The following MB21D2 variants were observed in gnomAD, a reference collection of about 807,000 sequenced individuals.
MB21D2 encodes the protein Mab-21 domain containing 2, also known as nucleotidyltransferase MB21D2.
Under a neutral mutation model 33.3 loss-of-function variants are expected in MB21D2, and 9 were observed. The observed-to-expected ratio is 0.27, with a 90% CI of 0.16 to 0.47. MB21D2 has a LOEUF of 0.47. MB21D2 is among the 20% of genes least tolerant of loss of function. The pLI is 0.99. For synonymous variants in MB21D2, 241 were observed against 236.3 expected, an observed-to-expected ratio of 1.02 and a Z score of -0.18; for missense variants, 540 against 624.6, an observed-to-expected ratio of 0.86 and a Z score of 1.44.
chr3:192,917,165 C>G (rs1714485801), intron 1 of MB21D2, among the ~76,000 whole-genome samples: 2 of 152,184 alleles, frequency 1.3e-5, no homozygotes, highest in South Asian at 4.1e-4. Context: ...GGGCGCCAAG[C>G]CAGAGCCCTG....
intron 1 of MB21D2, among the ~76,000 whole-genome samples, chr3:192,900,766 C>A (rs758130725): frequency 2.0e-5 from 3 of 152,010 alleles, no homozygotes; most frequent in Admixed American, 6.5e-5. Flanking sequence ...CATGGTGAAA[C>A]CCTGTCTCTA....
chr3:192,887,036 A>G (rs1713747654), intron 1 of MB21D2, among the ~76,000 whole-genome samples: 1 of 151,980 alleles, frequency 6.6e-6, no homozygotes. Flanking sequence ...TAGATTCTTC[A>G]CTATACAAAC....
intron 1 of MB21D2, among the ~76,000 whole-genome samples, chr3:192,884,680 T>C (rs936751486): frequency 6.6e-6 from 1 of 152,124 alleles, no homozygotes; most frequent in African/African-American, 2.4e-5. Context: ...GGTGCATGTC[T>C]TGTTCCATCC....
At chr3:192,911,342 T>G (rs1351715725) in intron 1 of MB21D2, among the ~76,000 whole-genome samples, 5 of 152,206 alleles carry the variant, frequency 3.3e-5, no homozygotes, top group African/African-American at 1.2e-4. Flanking sequence ...TCACTCACTA[T>G]GCCTTTTTGT....
At chr3:192,810,388 A>G (rs1429100840) in intron 1 of MB21D2, among the ~76,000 whole-genome samples, 1 of 152,090 alleles carries the variant, frequency 6.6e-6, no homozygotes, top group African/African-American at 2.4e-5. Flanking sequence ...AAATGATCCC[A>G]ATTTATATAA....
At chr3:192,844,860 CT>C (rs766256230) in intron 1 of MB21D2, among the ~76,000 whole-genome samples, 4 of 152,224 alleles carry the variant, frequency 2.6e-5, no homozygotes, top group Non-Finnish European at 4.4e-5. Context: ...AAGAGCCCCC[CT>C]TTGATGTGTA....
intron 1 of MB21D2, among the ~76,000 whole-genome samples, chr3:192,890,930 C>T (rs1268157721): frequency 2.6e-5 from 4 of 152,028 alleles, no homozygotes; most frequent in Admixed American, 6.6e-5. Context: ...TCAGTTTATC[C>T]TGCGTGGGGG....
At position 192,831,503 on chromosome 3, in the gene MB21D2, G is replaced by C. The variant is rs1162147717; in HGVS notation, c.212-31853C>G. ...TACAAGAACAGAAAGATGGATCTGA[G>C]ACTGGGTTTTCTCAACTAGTAGCAA... On this transcript the variant is annotated intron_variant, in intron 1 of 1. Transcript: ENST00000392452. Among the ~76,000 whole-genome samples the C allele has an allele frequency of 2.0e-5, 3 of 152,208 alleles. No homozygotes were observed. The East Asian group carries it at 5.8e-4, about 29-fold the overall frequency.
intron 1 of MB21D2, among the ~76,000 whole-genome samples, chr3:192,867,773 G>A (rs781021953): frequency 1.3e-5 from 2 of 152,142 alleles, no homozygotes; most frequent in Non-Finnish European, 2.9e-5. Flanking sequence ...GTGATGGTTT[G>A]CTAGTTTTCA....
chr3:192,887,019 C>T (rs988984340), intron 1 of MB21D2, among the ~76,000 whole-genome samples: 1 of 152,012 alleles, frequency 6.6e-6, no homozygotes. Context: ...ACTTTCGCCA[C>T]TGTCCCTAGA....
At chr3:192,848,757 T>C (rs184045723) in intron 1 of MB21D2, among the ~76,000 whole-genome samples, 5 of 152,352 alleles carry the variant, frequency 3.3e-5, no homozygotes, top group African/African-American at 1.2e-4. Flanking sequence ...GATTAAGTAC[T>C]AATTTCTAAA....
chr3:192,821,390 A>G (rs1712052424), intron 1 of MB21D2, among the ~76,000 whole-genome samples: 1 of 152,128 alleles, frequency 6.6e-6, no homozygotes, highest in Admixed American at 6.5e-5. Flanking sequence ...ACCTGCTCCC[A>G]CCTCATTCCT....
At chr3:192,901,351 C>T (rs992616691) in intron 1 of MB21D2, among the ~76,000 whole-genome samples, 10 of 136,240 alleles carry the variant, frequency 7.3e-5, no homozygotes, top group Non-Finnish European at 1.4e-4. Context: ...GGGCAGATCA[C>T]GAGGTCAGGA....
At chr3:192,832,380 GC>G (rs1712333525) in intron 1 of MB21D2, among the ~76,000 whole-genome samples, 1 of 152,142 alleles carries the variant, frequency 6.6e-6, no homozygotes, top group South Asian at 2.1e-4. Flanking sequence ...GAAGGCCAAT[GC>G]AAAAAACTTG....
chr3:192,832,139 T>G (rs952928773), intron 1 of MB21D2, among the ~76,000 whole-genome samples: 4 of 152,196 alleles, frequency 2.6e-5, no homozygotes, highest in Admixed American at 2.6e-4. Flanking sequence ...GCCTAGAGAC[T>G]CTGATTCAGT....
At chr3:192,891,546 A>G (rs1317566387) in intron 1 of MB21D2, among the ~76,000 whole-genome samples, 1 of 152,070 alleles carries the variant, frequency 6.6e-6, no homozygotes, top group East Asian at 1.9e-4. Context: ...TCTGCATAAC[A>G]TTTTCAAGGG....
Position 192,849,316 on chromosome 3 carries a change from T to TTGGGG in MB21D2, c.212-49667_212-49666insCCCCA, listed in dbSNP as rs1394136617. ...TGCAAGTTTTTCACGTCTCTTTTTT[T>TTGGGG]GGGGGGGGGGCGGGGGGTGGGGGTG... On this transcript the variant is annotated intron_variant, in intron 1 of 1. Transcript: ENST00000392452. Among the ~76,000 whole-genome samples, 24 of 92,196 alleles carry TTGGGG rather than the reference T, an allele frequency of 2.6e-4. No individual in the cohort carries two copies. The South Asian group carries it at 3.4e-3, about 13-fold the overall frequency. The allele number at this position is 92,196 out of a possible 152,430, so 60.5% of individuals were successfully genotyped here.
intron 1 of MB21D2, among the ~76,000 whole-genome samples, chr3:192,824,552 T>C (rs927589782): frequency 6.6e-6 from 1 of 151,946 alleles, no homozygotes; most frequent in Non-Finnish European, 1.5e-5. Context: ...ATCAATTGCC[T>C]TGTGTGAAAT....
rs1394430925 is a variant in MB21D2 at position 192,917,741 on chromosome 3, C to A, written c.100G>T (p.Glu34Ter). The change falls in exon 1 of 2, where the codon GAG (glutamate) becomes TAG (stop). Residue 34 changes from glutamate to a stop codon, truncating the protein, a stop_gained. Transcript: ENST00000392452. LOFTEE classifies it high-confidence loss of function. The part of the protein sequence containing the change: ...ELDFRSGARV[E>*]ELNKLIQEFT... ...TCTTGGATGAGTTTGTTCAATTCCT[C>A]CACCCGAGCTCCCGACCTGAAATCC... The A allele has an allele frequency of 6.2e-7, 1 of 1,614,112 alleles. No individual in the cohort carries two copies. Among genetic ancestry groups the A allele is most frequent in the Non-Finnish European group, 8.5e-7 (1 of 1,180,030 alleles).
Sources: allele counts gnomAD v4.1 joint callset (sites outside exome capture counted in the v4.1 genomes callset), GRCh38; gene constraint gnomAD v4.1.1; transcripts MANE v1.5; gene names NCBI Gene and HGNC (gene_info 2026-07-23, HGNC 2026-07-21).